VEPH1: variants seen among roughly 807,000 people sequenced by gnomAD.
VEPH1 encodes the protein ventricular zone-expressed PH domain-containing protein homolog 1.
A neutral mutation model predicts 85.2 loss-of-function variants in VEPH1; 80 were observed. The ratio of observed to expected loss-of-function variants is 0.94; its 90% CI spans 0.78 to 1.13. VEPH1 has a LOEUF of 1.13. VEPH1 is among the 50% of genes most tolerant of loss of function. The probability of loss-of-function intolerance (pLI) is 0.00; values close to 1 mark genes in which losing one functional copy is unlikely to be tolerated. For synonymous variants in VEPH1, 297 were observed against 348.0 expected, an observed-to-expected ratio of 0.85 and a Z score of 1.63; for missense variants, 955 against 980.5, an observed-to-expected ratio of 0.97 and a Z score of 0.35.
At chr3:157,437,927 G>GCGGGGC (rs1184511603) in intron 4 of VEPH1, 2 of 1,528,444 alleles carry the variant, frequency 1.3e-6, no homozygotes, top group African/African-American at 2.8e-5. Context: ...AAGGAGGCAA[G>GCGGGGC]CGGGGCCGGG....
At chr3:157,298,112 G>A (rs980527881) in intron 11 of VEPH1, among the ~76,000 whole-genome samples, 7 of 152,236 alleles carry the variant, frequency 4.6e-5, no homozygotes, top group Non-Finnish European at 8.8e-5. Context: ...CAGCCTTGCA[G>A]TTTATGAAAT....
Position 157,489,156 on chromosome 3 carries a change from A to T in VEPH1, c.138+6056T>A, listed in dbSNP as rs780366922. On this transcript the variant is annotated intron_variant, in intron 2 of 13. Transcript: ENST00000362010. ...TTTCTGATTTCACTCTTGCCTTTCC[A>T]CAGACTGTTCCCAAAACAGGAATAG... is the stretch of plus-strand genomic sequence containing the variant. 7.5e-5 allele frequency: 34 copies of T among 456,346 alleles called. No individual in the cohort carries two copies. In the East Asian group the frequency reaches 2.2e-3, roughly 29 times the overall value. 28.3% of individuals were successfully genotyped at this position (456,346 alleles called of 1,614,324 possible).
intron 6 of VEPH1, among the ~76,000 whole-genome samples, chr3:157,406,808 T>G (rs1367576064): frequency 6.6e-6 from 1 of 152,158 alleles, no homozygotes; most frequent in Non-Finnish European, 1.5e-5. Context: ...CTAGGTCTAC[T>G]GCCTTGTAGG....
intron 3 of VEPH1, 62 bp downstream of exon 3, chr3:157,470,252 T>C: frequency 2.0e-6 from 3 of 1,482,522 alleles, no homozygotes; most frequent in South Asian, 2.3e-5. Flanking sequence ...TTCACAGACA[T>C]CACAGGTTCA....
intron 4 of VEPH1, among the ~76,000 whole-genome samples, chr3:157,456,747 C>T (rs1005845790): frequency 3.0e-4 from 46 of 151,390 alleles, no homozygotes; most frequent in African/African-American, 8.9e-4. Context: ...TTTTTGTACC[C>T]GTACCATGCT....
intron 12 of VEPH1, among the ~76,000 whole-genome samples, chr3:157,284,234 T>C (rs1350402875): frequency 6.6e-6 from 1 of 152,210 alleles, no homozygotes; most frequent in Non-Finnish European, 1.5e-5. Context: ...ATTCACTCAC[T>C]CAACAAATAT....
chr3:157,401,093 C>T (rs1730757483), intron 6 of VEPH1, among the ~76,000 whole-genome samples: 2 of 152,088 alleles, frequency 1.3e-5, no homozygotes, highest in South Asian at 2.1e-4. Context: ...TTCTAGAGAA[C>T]TCAAAGAAAC....
At chr3:157,452,554 G>A (rs1346221352) in intron 4 of VEPH1, among the ~76,000 whole-genome samples, 3 of 152,102 alleles carry the variant, frequency 2.0e-5, no homozygotes, top group Non-Finnish European at 4.4e-5. Flanking sequence ...GGCAATAAAG[G>A]GATTCAAATA....
chr3:157,373,308 G>C (rs143952578), intron 7 of VEPH1, among the ~76,000 whole-genome samples: 2 of 152,262 alleles, frequency 1.3e-5, no homozygotes, highest in East Asian at 3.9e-4. Flanking sequence ...ATATAGCACG[G>C]TAACCAAGAA....
At position 157,289,250 on chromosome 3, in the gene VEPH1, A is replaced by G. The variant is rs571115199; in HGVS notation, c.2011-2576T>C. On this transcript the variant is annotated intron_variant, in intron 11 of 13. Coordinates refer to ENST00000362010, the MANE Select transcript of VEPH1 (RefSeq NM_001167912.2). Reference sequence around the variant, plus strand: ...AACACTACTAGCAAACAAAGTACTTAAAATAATACTTAAGGGTTCCTTTAT... The same window carrying G: ...AACACTACTAGCAAACAAAGTACTTGAAATAATACTTAAGGGTTCCTTTAT... Among the ~76,000 whole-genome samples, 12 of 152,376 alleles carry G rather than the reference A, an allele frequency of 7.9e-5. No homozygotes were observed. The South Asian group carries it at 2.5e-3, about 32-fold the overall frequency.
intron 12 of VEPH1, among the ~76,000 whole-genome samples, chr3:157,281,082 G>A (rs911505522): frequency 1.4e-5 from 2 of 139,100 alleles, no homozygotes; most frequent in South Asian, 2.3e-4. Flanking sequence ...GTGTGCATAT[G>A]TGTGCGTGTG....
chr3:157,288,376 A>T (rs1158049203), intron 11 of VEPH1, among the ~76,000 whole-genome samples: 2 of 152,192 alleles, frequency 1.3e-5, no homozygotes, highest in Non-Finnish European at 2.9e-5. Flanking sequence ...CTTATAAGGG[A>T]TCTAAATAGA....
chr3:157,369,203 A>AAAAAAAAAAAAAAAAAAAAAAC (rs1432731941), intron 7 of VEPH1, among the ~76,000 whole-genome samples: 1 of 149,056 alleles, frequency 6.7e-6, no homozygotes, highest in Admixed American at 6.7e-5. Context: ...AAAAAAAAAA[A>AAAAAAAAAAAAAAAAAAAAAAC]ACCTCCTGAG....
intron 12 of VEPH1, among the ~76,000 whole-genome samples, chr3:157,270,098 T>C (rs1714345038): frequency 1.3e-5 from 2 of 151,252 alleles, no homozygotes; most frequent in Admixed American, 1.3e-4. Context: ...TACAGAAAAA[T>C]AAAATAAAAT....
At chr3:157,454,916 A>G (rs149142945) in intron 4 of VEPH1, among the ~76,000 whole-genome samples, 63 of 152,272 alleles carry the variant, frequency 4.1e-4, no homozygotes, top group African/African-American at 1.5e-3. Context: ...TGCAAAGGAC[A>G]TGATTTTGTT....
intron 3 of VEPH1, among the ~76,000 whole-genome samples, chr3:157,464,579 C>T (rs1278124835): frequency 6.6e-6 from 1 of 152,114 alleles, no homozygotes; most frequent in African/African-American, 2.4e-5. Flanking sequence ...TAGACTTTCT[C>T]GTGGGGACAA....
chr3:157,503,013 C>T (rs549567232), intron 1 of VEPH1, among the ~76,000 whole-genome samples: 36 of 152,294 alleles, frequency 2.4e-4, no homozygotes, highest in African/African-American at 8.2e-4. Flanking sequence ...TCTAGAAGCA[C>T]AGCTTTCTGC....
At chr3:157,296,042 T>G (rs1718093362) in intron 11 of VEPH1, among the ~76,000 whole-genome samples, 1 of 152,216 alleles carries the variant, frequency 6.6e-6, no homozygotes, top group South Asian at 2.1e-4. Flanking sequence ...TAGCTCTACA[T>G]GTATGAACAG....
rs1425403105 is a variant in VEPH1 at position 157,364,398 on chromosome 3, G to T, written c.1242C>A (p.Asp414Glu). 2 of 1,613,748 alleles carry T rather than the reference G, an allele frequency of 1.2e-6. No individual in the cohort carries two copies. The highest frequency in any genetic ancestry group is 1.7e-6 in the Non-Finnish European group (2 of 1,179,914). ...GGGTATTGCTCCCTGCATTTATCTT[G>T]TCTTCAAAAGCCTGGATTTTAACTT... The part of the protein sequence containing the change: ...KLQVKIQAFE[D>E]KINAGSNTPG... The change falls in exon 8 of 14, where the codon GAC (aspartate) becomes GAA (glutamate). Residue 414 changes from aspartate to glutamate, a missense_variant. Coordinates refer to ENST00000362010, the MANE Select transcript of VEPH1 (RefSeq NM_001167912.2).
Sources: gnomAD v4.1 joint callset for allele counts (sites outside exome capture counted in the v4.1 genomes callset) on GRCh38, gnomAD v4.1.1 for gene constraint, MANE v1.5 for transcripts, NCBI Gene and HGNC (gene_info 2026-07-23, HGNC 2026-07-21) for gene names.